PPP2R5A: variants seen among roughly 807,000 people sequenced by gnomAD.
The protein encoded by PPP2R5A is protein phosphatase 2 regulatory subunit B'alpha.
In PPP2R5A, 25 loss-of-function variants were observed where a neutral mutation model predicts 64.2. That is an observed-to-expected ratio of 0.39 (90% CI 0.28 to 0.54). PPP2R5A has a LOEUF of 0.54. Among genes scored for constraint, PPP2R5A ranks in the 20% least tolerant of loss-of-function variants. The pLI is 0.67. For synonymous variants in PPP2R5A, 198 were observed against 201.2 expected, an observed-to-expected ratio of 0.98 and a Z score of 0.13; for missense variants, 425 against 576.3, an observed-to-expected ratio of 0.74 and a Z score of 2.69.
intron 1 of PPP2R5A, among the ~76,000 whole-genome samples, chr1:212,325,895 C>T (rs1300211469): frequency 1.3e-5 from 2 of 152,068 alleles, no homozygotes; most frequent in East Asian, 3.9e-4. Flanking sequence ...CAATATCAAG[C>T]AGACATCTTT....
At chr1:212,357,974 T>G (rs1189914336) in intron 11 of PPP2R5A, 1 of 152,392 alleles carries the variant, frequency 6.6e-6, no homozygotes, top group Admixed American at 6.5e-5. Context: ...TTTTTATTTT[T>G]ATTTTTTTTG....
At chr1:212,340,739 A>G (rs374294199) in intron 3 of PPP2R5A, among the ~76,000 whole-genome samples, 273 of 152,336 alleles carry the variant, frequency 1.8e-3, no homozygotes, top group Middle Eastern at 6.8e-3. Flanking sequence ...TTGGGCAGAG[A>G]TACATCAAGC....
intron 6 of PPP2R5A, 29 bp from the exon 7 acceptor site, chr1:212,348,360 A>C (rs1659820261): frequency 1.4e-6 from 2 of 1,414,318 alleles, no homozygotes; most frequent in Non-Finnish European, 2.0e-6. Flanking sequence ...TAACTACTTA[A>C]CCCTTCCCCT....
chr1:212,306,416 C>G (rs1558141704), intron 1 of PPP2R5A, among the ~76,000 whole-genome samples: 1 of 152,120 alleles, frequency 6.6e-6, no homozygotes, highest in Non-Finnish European at 1.5e-5. Context: ...GAAGAGAAAC[C>G]TCATCATATC....
intron 1 of PPP2R5A, among the ~76,000 whole-genome samples, chr1:212,318,910 C>A (rs1659208742): frequency 6.6e-6 from 1 of 152,226 alleles, no homozygotes; most frequent in Admixed American, 6.5e-5. Context: ...TGAGCATCCT[C>A]AGATTTTTGT....
At chr1:212,315,874 C>G (rs1239941300) in intron 1 of PPP2R5A, among the ~76,000 whole-genome samples, 1 of 152,148 alleles carries the variant, frequency 6.6e-6, no homozygotes, top group Non-Finnish European at 1.5e-5. Flanking sequence ...TTTGGAGATT[C>G]TCTCAATATA....
At chr1:212,287,813 A>AT (rs940821707) in intron 1 of PPP2R5A, among the ~76,000 whole-genome samples, 5 of 151,568 alleles carry the variant, frequency 3.3e-5, no homozygotes, top group Non-Finnish European at 5.9e-5. Flanking sequence ...TATACTACTG[A>AT]TTTTTTTTCT....
At chr1:212,312,033 A>G (rs12129267) in intron 1 of PPP2R5A, among the ~76,000 whole-genome samples, 23,461 of 152,216 alleles carry the variant, frequency 0.15, 2,497 homozygotes, top group East Asian at 0.36. Flanking sequence ...TTACTCATCC[A>G]GAGCAACTTC....
At chr1:212,303,619 T>C (rs117503819) in intron 1 of PPP2R5A, among the ~76,000 whole-genome samples, 4 of 152,330 alleles carry the variant, frequency 2.6e-5, no homozygotes, top group Non-Finnish European at 5.9e-5. Flanking sequence ...TTCCCAGATA[T>C]GAGGCTATGA....
intron 1 of PPP2R5A, chr1:212,302,134 A>G: frequency 6.8e-7 from 1 of 1,463,414 alleles, no homozygotes; most frequent in South Asian, 1.2e-5. Context: ...GGTATTTGAA[A>G]TCTTGAGGAG....
intron 6 of PPP2R5A, among the ~76,000 whole-genome samples, chr1:212,348,020 A>G (rs17018938): frequency 0.014 from 2,169 of 152,334 alleles, 49 homozygotes; most frequent in African/African-American, 0.048. Context: ...TTATCCAACA[A>G]AGTAAGAAAA....
In PPP2R5A at chr1:212,342,249, A is replaced by G; in HGVS notation, c.542A>G (p.Lys181Arg). 1 of 1,613,554 alleles carries G rather than the reference A, an allele frequency of 6.2e-7. No individual in the cohort carries two copies. Among genetic ancestry groups the G allele is most frequent in the Non-Finnish European group, 8.5e-7 (1 of 1,179,728 alleles). Residue 181 changes from lysine (K) to arginine (R), a missense_variant, in exon 4 of 13, where the codon AAA becomes AGA. Physicochemically the swap from Lys to Arg is conservative, Grantham distance 26. Around this residue, in one of 4 missense-constraint regions of PPP2R5A, gnomAD observed 140 missense variants for 204.4 expected, o/e 0.68. Coordinates refer to ENST00000261461, the MANE Select transcript of PPP2R5A (RefSeq NM_006243.4). ...CCTGATTTCCAGCCTAGCATTGCAA[A>G]ACGATACATTGATCAGAAATTCGTA... ...ESPDFQPSIA[K>R]RYIDQKFVQQ...
chr1:212,347,540 GTCT>G (rs988895876), intron 6 of PPP2R5A, 134 bp downstream of exon 6: 12 of 605,986 alleles, frequency 2.0e-5, no homozygotes, highest in Non-Finnish European at 2.7e-5. Context: ...CTCAACTGAA[GTCT>G]TTTTTTTTTT....
At chr1:212,306,687 A>G (rs1658909906) in intron 1 of PPP2R5A, 1 of 151,948 alleles carries the variant, frequency 6.6e-6, no homozygotes, top group Non-Finnish European at 1.5e-5. Flanking sequence ...ATCATTTTTT[A>G]AAAATTCAGT....
intron 11 of PPP2R5A, among the ~76,000 whole-genome samples, chr1:212,357,711 G>C (rs1459008328): frequency 1.3e-5 from 2 of 151,132 alleles, no homozygotes; most frequent in African/African-American, 4.9e-5. Context: ...GCTGAGGCAG[G>C]AGAATGGCAT....
At chr1:212,347,463 T>C in intron 6 of PPP2R5A, 57 bp downstream of exon 6, 1 of 1,315,118 alleles carries the variant, frequency 7.6e-7, no homozygotes, top group Non-Finnish European at 1.1e-6. Flanking sequence ...TTTTATGTAT[T>C]AAAATCTTAG....
intron 8 of PPP2R5A, among the ~76,000 whole-genome samples, chr1:212,352,213 G>A (rs563068773): frequency 1.6e-4 from 25 of 151,616 alleles, no homozygotes; most frequent in African/African-American, 4.1e-4. Context: ...ATTTTTAGTA[G>A]AGATGGAGTT....
At chr1:212,305,602 C>T (rs915777841) in intron 1 of PPP2R5A, among the ~76,000 whole-genome samples, 9 of 152,120 alleles carry the variant, frequency 5.9e-5, no homozygotes, top group African/African-American at 1.9e-4. Flanking sequence ...TCTTGTTGAT[C>T]TTCCACCTAA....
intron 1 of PPP2R5A, chr1:212,306,713 T>G (rs546489786): frequency 1.1e-4 from 17 of 151,884 alleles, no homozygotes; most frequent in East Asian, 9.7e-4. Flanking sequence ...AATCTCTACC[T>G]TTTGATGGGC....
Sources: allele counts gnomAD v4.1 joint callset (sites outside exome capture counted in the v4.1 genomes callset), GRCh38; gene constraint gnomAD v4.1.1; regional missense constraint gnomAD v4.1.1; transcripts MANE v1.5; gene names NCBI Gene and HGNC (gene_info 2026-07-23, HGNC 2026-07-21).